The following MRPS10 variants were observed in gnomAD, a reference collection of about 807,000 sequenced individuals.
MRPS10 encodes the protein small ribosomal subunit protein uS10m.
Under a neutral mutation model 27.5 loss-of-function variants are expected in MRPS10, and 23 were observed. That is an observed-to-expected ratio of 0.84 (90% CI 0.60 to 1.18). MRPS10 has a LOEUF of 1.18. Among genes scored for constraint, MRPS10 ranks in the 50% most tolerant of loss-of-function variants. MRPS10 has a pLI of 0.00. For synonymous variants in MRPS10, 88 were observed against 84.2 expected (o/e 1.04, Z -0.25); for missense variants, 237 against 240.1 (o/e 0.99, Z 0.09).
chr6:42,211,987 G>C, intron 3 of MRPS10, 70 bp from the exon 4 acceptor site: 1 of 1,426,462 alleles, frequency 7.0e-7, no homozygotes, highest in Non-Finnish European at 9.7e-7. Flanking sequence ...TAAAACATTA[G>C]CCTCAATTGA....
intron 1 of MRPS10, among the ~76,000 whole-genome samples, chr6:42,216,026 C>CTTTTTTTTTTTTTTTT (rs34985131): frequency 7.0e-5 from 4 of 56,972 alleles, no homozygotes; most frequent in Non-Finnish European, 1.2e-4. Flanking sequence ...TTTTTCTTTT[C>CTTTTTTTTTTTTTTTT]TTTTTTTTTT....
At chr6:42,216,665 G>T (rs1768950678) in intron 1 of MRPS10, among the ~76,000 whole-genome samples, 1 of 151,682 alleles carries the variant, frequency 6.6e-6, no homozygotes, top group Non-Finnish European at 1.5e-5. Context: ...ACAAATACTA[G>T]CTGGGCATGG....
At chr6:42,213,220 A>T (rs1768834180) in intron 3 of MRPS10, among the ~76,000 whole-genome samples, 1 of 152,192 alleles carries the variant, frequency 6.6e-6, no homozygotes, top group Non-Finnish European at 1.5e-5. Flanking sequence ...AGGCTGAGGC[A>T]GGCAGATCAC....
intron 3 of MRPS10, among the ~76,000 whole-genome samples, chr6:42,213,583 G>A (rs968541226): frequency 1.3e-5 from 2 of 152,106 alleles, no homozygotes; most frequent in African/African-American, 4.8e-5. Context: ...CTGTTAAAGG[G>A]GGTTATTTTT....
Position 42,214,290 on chromosome 6 carries a change from C to T in MRPS10, c.103G>A (p.Gly35Ser), listed in dbSNP as rs749568271. ...TSKGNTAKNG[G>S]LLLSTNMKWV... ...CAATTGTATACTTACAGAAGCAAGC[C>T]ACCATTTTTGGCTGTATTGCCCTTA... is the stretch of plus-strand genomic sequence containing the variant. The change falls in exon 2 of 7, where the codon GGC (glycine) becomes AGC (serine). Residue 35 changes from glycine (G) to serine (S), a missense_variant. By Grantham distance (56) the Gly-to-Ser change is moderately conservative. Transcript: ENST00000053468. 1.4e-5 allele frequency: 22 copies of T among 1,612,440 alleles called. No homozygotes were observed. The highest frequency in any genetic ancestry group is 7.6e-6 in the Non-Finnish European group (9 of 1,179,140).
chr6:42,214,934 C>A (rs1768879068), intron 1 of MRPS10, among the ~76,000 whole-genome samples: 1 of 152,164 alleles, frequency 6.6e-6, no homozygotes, highest in Non-Finnish European at 1.5e-5. Context: ...ATTTCCAAAT[C>A]CTTTACCATC....
rs546338145 is a variant in MRPS10 at position 42,207,322 on chromosome 6, C to G, written c.*967G>C. 1 of 151,774 alleles carries G rather than the reference C, an allele frequency of 6.6e-6. No homozygotes were observed. The highest frequency in any genetic ancestry group is 2.4e-5 in the African/African-American group (1 of 41,308). 9.4% of individuals were successfully genotyped at this position (151,774 alleles called of 1,614,324 possible). ...GCAGCCTCCACCGGGCCCGGGTTCA[C>G]GCAATTCTCCTGCCTCAGCCTCCTG... On this transcript the variant is annotated 3_prime_UTR_variant, in exon 7 of 7. Transcript: ENST00000053468.
intron 1 of MRPS10, among the ~76,000 whole-genome samples, chr6:42,215,902 C>T (rs1180385164): frequency 6.6e-6 from 1 of 152,064 alleles, no homozygotes; most frequent in Non-Finnish European, 1.5e-5. Context: ...TAGAAAATTC[C>T]CTCCCAACAA....
intron 6 of MRPS10, 65 bp downstream of exon 6, chr6:42,208,793 C>A: frequency 8.7e-7 from 1 of 1,149,024 alleles, no homozygotes; most frequent in Non-Finnish European, 1.3e-6. Flanking sequence ...TGCAATGTAT[C>A]AAAACAACAA....
Position 42,214,263 on chromosome 6 carries a change from T to A in MRPS10, c.113+17A>T. On this transcript the variant is annotated intron_variant, in intron 2 of 6. Transcript: ENST00000053468. ...AACCTATTTTGTTCAATTTAGCACA[T>A]CCAATTGTATACTTACAGAAGCAAG... The A allele has an allele frequency of 1.2e-6, 2 of 1,611,186 alleles. No homozygotes were observed. The highest frequency in any genetic ancestry group is 1.7e-6 in the Non-Finnish European group (2 of 1,177,754).
At chr6:42,208,667 G>A (rs1417185169) in intron 6 of MRPS10, among the ~76,000 whole-genome samples, 191 bp downstream of exon 6, 2 of 152,124 alleles carry the variant, frequency 1.3e-5, no homozygotes, top group African/African-American at 4.8e-5. Context: ...GAGGACTTGG[G>A]CTGAAATGGC....
intron 2 of MRPS10, 24 bp from the exon 3 acceptor site, chr6:42,214,216 A>C (rs192815540): frequency 1.1e-5 from 18 of 1,609,796 alleles, no homozygotes; most frequent in Non-Finnish European, 1.5e-5. Context: ...AAAAAAGAGA[A>C]ACCTAAGTAA....
Position 42,216,385 on chromosome 6 carries a change from A to AGAGAGAGAGAGAGAGAGAGAGTGTGT in MRPS10, c.48+1416_48+1417insACACACTCTCTCTCTCTCTCTCTCTC. Among the ~76,000 whole-genome samples the AGAGAGAGAGAGAGAGAGAGAGTGTGT allele has an allele frequency of 1.7e-3, 101 of 58,668 alleles. 1 individual carries two copies. Among genetic ancestry groups the AGAGAGAGAGAGAGAGAGAGAGTGTGT allele is most frequent in the South Asian group, 0.011 (12 of 1,084 alleles). 38.5% of individuals were successfully genotyped at this position (58,668 alleles called of 152,430 possible). On this transcript the variant is annotated intron_variant, in intron 1 of 6. Transcript: ENST00000053468. Reference sequence around the variant, plus strand: ...GAGAGAGAGAGAGAGAGAGAGAGAGAGTGTGTGTGTGTGTGTGTGTGTGTG... The same window carrying AGAGAGAGAGAGAGAGAGAGAGTGTGT: ...GAGAGAGAGAGAGAGAGAGAGAGAGAGAGAGAGAGAGAGAGAGAGAGTGTGTGTGTGTGTGTGTGTGTGTGTGTGTG...
At position 42,214,148 on chromosome 6, in the gene MRPS10, T is replaced by C. The variant is rs1430176810; in HGVS notation, c.158A>G (p.Asp53Gly). The C allele has an allele frequency of 1.2e-6, 2 of 1,613,110 alleles. No individual in the cohort carries two copies. Among genetic ancestry groups the C allele is most frequent in the Non-Finnish European group, 1.7e-6 (2 of 1,179,632 alleles). ...KWVQFSNLHV[D>G]VPKDLTKPVV... is the part of the protein sequence containing the mutation. ...AGGTTTGGTCAAATCCTTTGGAACA[T>C]CAACGTGTAGGTTTGAAAACTGTAC... The change falls in exon 3 of 7, where the codon GAT (aspartate) becomes GGT (glycine). Residue 53 changes from aspartate (D) to glycine (G), a missense_variant. By Grantham distance (94) the Asp-to-Gly change is moderately conservative. Around this residue, in one of 3 missense-constraint regions of MRPS10, gnomAD observed 164 missense variants for 137.8 expected, o/e 1.19. Transcript: ENST00000053468.
intron 5 of MRPS10, 50 bp from the exon 6 acceptor site, chr6:42,208,997 C>A: frequency 5.2e-6 from 6 of 1,156,092 alleles, no homozygotes; most frequent in Admixed American, 5.0e-5. Flanking sequence ...TGTTAAAGCA[C>A]GGTTTTTTGT....
rs750739472 is a variant in MRPS10 at position 42,208,896 on chromosome 6, G to A, written c.484C>T (p.Arg162Ter). The change falls in exon 6 of 7, where the codon CGA becomes TGA. Residue 162 changes from arginine to a stop codon, truncating the protein, a stop_gained. Transcript: ENST00000053468. LOFTEE classifies it high-confidence loss of function. Reference sequence around the variant, plus strand: ...ATGGCAACCCCTTCAGGTAAGTTTCGCTGAATATATTCCAAGTAGACATCT... The same window carrying A: ...ATGGCAACCCCTTCAGGTAAGTTTCACTGAATATATTCCAAGTAGACATCT... The part of the protein sequence containing the change: ...TADVYLEYIQ[R>*]NLPEGVAMEV... 1.3e-5 allele frequency: 21 copies of A among 1,610,664 alleles called. No individual in the cohort carries two copies. Among genetic ancestry groups the A allele is most frequent in the East Asian group, 4.5e-5 (2 of 44,678 alleles).
In MRPS10 at chr6:42,214,238, A is replaced by G. The variant is rs753760534; in HGVS notation, c.113+42T>C. The G allele has an allele frequency of 3.1e-6, 5 of 1,605,288 alleles. No individual in the cohort carries two copies. The Admixed American group carries it at 8.4e-5, about 27-fold the overall frequency. ...AGAAACCTAAGTAAAATAGCACAAGAACCTATTTTGTTCAATTTAGCACAT... is the reference window on the plus strand; with the variant it reads ...AGAAACCTAAGTAAAATAGCACAAGGACCTATTTTGTTCAATTTAGCACAT... On this transcript the variant is annotated intron_variant, in intron 2 of 6. Coordinates refer to ENST00000053468, the MANE Select transcript of MRPS10 (RefSeq NM_018141.4).
chr6:42,211,911 T>C lies in MRPS10; in HGVS notation c.193A>G (p.Ile65Val), dbSNP rs147487721. 3.3e-4 allele frequency: 525 copies of C among 1,606,942 alleles called. No homozygotes were observed. The highest frequency in any genetic ancestry group is 2.3e-4 in the Non-Finnish European group (268 of 1,178,234). The part of the protein sequence containing the change: ...PKDLTKPVVT[I>V]SDEPDILYKR... ...TATAATATGTCTGGTTCATCAGAGA[T>C]TGTTACCTAAAATCCAAAAGAAAAG... Residue 65 changes from isoleucine to valine, a missense_variant, in exon 4 of 7, where the codon ATC (isoleucine) becomes GTC (valine). Ile to Val is a conservative substitution (Grantham distance 29). Transcript: ENST00000053468.
intron 4 of MRPS10, among the ~76,000 whole-genome samples, chr6:42,210,889 A>G (rs1768753684): frequency 6.6e-6 from 1 of 152,258 alleles, no homozygotes; most frequent in Non-Finnish European, 1.5e-5. Context: ...TCTTTTATTG[A>G]CCAAATATAT....
Sources: allele counts gnomAD v4.1 joint callset (sites outside exome capture counted in the v4.1 genomes callset), GRCh38; gene constraint gnomAD v4.1.1; regional missense constraint gnomAD v4.1.1; transcripts MANE v1.5; gene names NCBI Gene and HGNC (gene_info 2026-07-23, HGNC 2026-07-21).